The following CHCHD6 variants were observed in gnomAD, a reference collection of about 807,000 sequenced individuals.
CHCHD6 encodes the protein MICOS complex subunit MIC25.
CHCHD6 carries 28 observed loss-of-function variants against 32.3 expected under a neutral mutation model. The ratio of observed to expected loss-of-function variants is 0.87; its 90% CI spans 0.64 to 1.19. The LOEUF (loss-of-function observed/expected upper bound fraction) is 1.19. CHCHD6 is among the 50% of genes most tolerant of loss of function. CHCHD6 has a pLI of 0.00. For missense variants in CHCHD6, 333 were observed against 307.0 expected (o/e 1.08, Z -0.63); for synonymous variants, 122 against 117.5 (o/e 1.04, Z -0.25).
chr3:126,872,048 C>T (rs962447860), intron 5 of CHCHD6, among the ~76,000 whole-genome samples: 1 of 152,140 alleles, frequency 6.6e-6, no homozygotes, highest in Non-Finnish European at 1.5e-5. Flanking sequence ...TATGTCTTCC[C>T]CTTAGGGTGT....
At chr3:126,783,626 C>G (rs954811030) in intron 4 of CHCHD6, among the ~76,000 whole-genome samples, 2 of 152,194 alleles carry the variant, frequency 1.3e-5, no homozygotes, top group African/African-American at 2.4e-5. Flanking sequence ...AATTGCATTT[C>G]TATATACTAA....
At chr3:126,739,730 T>A (rs75781082) in intron 4 of CHCHD6, among the ~76,000 whole-genome samples, 4,518 of 152,334 alleles carry the variant, frequency 0.03, 96 homozygotes, top group Non-Finnish European at 0.04. Flanking sequence ...GGCTTTTTTT[T>A]AATAGTTTCT....
chr3:126,727,282 G>C (rs1559807292), intron 2 of CHCHD6, 96 bp downstream of exon 2: 2 of 807,196 alleles, frequency 2.5e-6, no homozygotes, highest in Non-Finnish European at 2.0e-6. Flanking sequence ...CAGGGCTCAG[G>C]TTGGCTTCTG....
intron 7 of CHCHD6, chr3:126,957,791 G>A: frequency 1.7e-6 from 1 of 590,704 alleles, no homozygotes; most frequent in East Asian, 2.9e-5. Context: ...TGTTGCGTTT[G>A]CCCTATTAGG....
intron 6 of CHCHD6, among the ~76,000 whole-genome samples, chr3:126,929,041 TC>T (rs1224318386): frequency 2.0e-5 from 3 of 152,214 alleles, no homozygotes; most frequent in African/African-American, 7.2e-5. Flanking sequence ...CTTGGGAGCT[TC>T]CTAGTTCTGC....
intron 5 of CHCHD6, among the ~76,000 whole-genome samples, chr3:126,854,057 G>A (rs1941567504): frequency 1.3e-5 from 2 of 152,164 alleles, no homozygotes. Context: ...AAAGGAAAGA[G>A]CCTCGCAGCA....
intron 4 of CHCHD6, among the ~76,000 whole-genome samples, chr3:126,740,973 G>A (rs1183475987): frequency 6.6e-6 from 1 of 152,230 alleles, no homozygotes; most frequent in African/African-American, 2.4e-5. Flanking sequence ...GGGATTGAGA[G>A]TCTGGCATCT....
chr3:126,891,766 G>T (rs888629471), intron 5 of CHCHD6, among the ~76,000 whole-genome samples: 1 of 152,134 alleles, frequency 6.6e-6, no homozygotes, highest in Admixed American at 6.5e-5. Flanking sequence ...GGCTTGAGGG[G>T]TTAAGTAAGA....
chr3:126,837,677 G>A lies in CHCHD6; in HGVS notation c.412-14970G>A, dbSNP rs562304093. On this transcript the variant is annotated intron_variant, in intron 4 of 7. Transcript: ENST00000290913. ...TGACTGGTAATAAATGGTCACTGTT[G>A]CTTTTATAGATTCATGCCTGGTTGT... Among the ~76,000 whole-genome samples, 124 of 152,272 alleles carry A rather than the reference G, an allele frequency of 8.1e-4. 1 individual carries two copies. Among genetic ancestry groups the A allele is most frequent in the African/African-American group, 2.8e-3 (117 of 41,560 alleles).
chr3:126,956,526 G>T (rs540299955), intron 6 of CHCHD6, among the ~76,000 whole-genome samples: 1 of 152,210 alleles, frequency 6.6e-6, no homozygotes, highest in Non-Finnish European at 1.5e-5. Context: ...CACTGAGCAC[G>T]CCCAGCAGCC....
intron 1 of CHCHD6, among the ~76,000 whole-genome samples, chr3:126,722,227 C>T (rs1261175617): frequency 6.6e-6 from 1 of 152,214 alleles, no homozygotes; most frequent in Non-Finnish European, 1.5e-5. Flanking sequence ...ACAGTCATAG[C>T]TCGCTGTAAC....
At chr3:126,717,456 C>T (rs1935073948) in intron 1 of CHCHD6, among the ~76,000 whole-genome samples, 1 of 152,126 alleles carries the variant, frequency 6.6e-6, no homozygotes, top group Non-Finnish European at 1.5e-5. Context: ...GGCCATGTGA[C>T]TTACTCGTAG....
At chr3:126,868,830 C>T (rs958828211) in intron 5 of CHCHD6, among the ~76,000 whole-genome samples, 3 of 152,178 alleles carry the variant, frequency 2.0e-5, no homozygotes, top group Non-Finnish European at 4.4e-5. Context: ...GCTGCCTAAA[C>T]TTGTTTTCTT....
chr3:126,826,060 G>A (rs1307271132), intron 4 of CHCHD6, among the ~76,000 whole-genome samples: 1 of 152,188 alleles, frequency 6.6e-6, no homozygotes, highest in Admixed American at 6.5e-5. Flanking sequence ...AAATACTCAA[G>A]AAGTAATCTC....
intron 4 of CHCHD6, among the ~76,000 whole-genome samples, chr3:126,836,119 T>C (rs1368842304): frequency 6.6e-6 from 1 of 152,324 alleles, no homozygotes; most frequent in East Asian, 1.9e-4. Flanking sequence ...AGCTCTCCAG[T>C]GGCCCCTGTG....
intron 4 of CHCHD6, among the ~76,000 whole-genome samples, chr3:126,835,018 A>T (rs897675171): frequency 6.6e-6 from 1 of 151,998 alleles, no homozygotes; most frequent in Non-Finnish European, 1.5e-5. Context: ...AGGTCAAGGA[A>T]AAGTGTTTTT....
At chr3:126,777,620 C>T (rs1280181936) in intron 4 of CHCHD6, among the ~76,000 whole-genome samples, 2 of 152,208 alleles carry the variant, frequency 1.3e-5, no homozygotes, top group Non-Finnish European at 2.9e-5. Context: ...CTCCATACTT[C>T]CCACTCTGGG....
At chr3:126,902,246 G>T (rs748449357) in intron 5 of CHCHD6, among the ~76,000 whole-genome samples, 6 of 152,228 alleles carry the variant, frequency 3.9e-5, no homozygotes, top group Admixed American at 3.9e-4. Flanking sequence ...GGCAAAACGT[G>T]TAACAGTGGC....
At chr3:126,746,018 T>C (rs1225740888) in intron 4 of CHCHD6, among the ~76,000 whole-genome samples, 1 of 152,212 alleles carries the variant, frequency 6.6e-6, no homozygotes, top group African/African-American at 2.4e-5. Context: ...GCGAGGCTTC[T>C]CTGGAGGATT....
Sources: gnomAD v4.1 joint callset for allele counts (sites outside exome capture counted in the v4.1 genomes callset) on GRCh38, gnomAD v4.1.1 for gene constraint, MANE v1.5 for transcripts, NCBI Gene and HGNC (gene_info 2026-07-23, HGNC 2026-07-21) for gene names.